The following TXN2 variants were observed in gnomAD, a reference collection of about 807,000 sequenced individuals.
TXN2 encodes the protein thioredoxin 2.
A neutral mutation model predicts 14.6 loss-of-function variants in TXN2; 12 were observed. That is an observed-to-expected ratio of 0.82 (90% CI 0.53 to 1.33). The LOEUF (loss-of-function observed/expected upper bound fraction) is 1.33. Ranked by LOEUF, TXN2 falls within the 40% of genes most tolerant of loss-of-function variation. TXN2 has a pLI of 0.00. For missense variants in TXN2, 173 were observed against 207.7 expected (o/e 0.83, Z 1.03); for synonymous variants, 89 against 81.0 (o/e 1.10, Z -0.53).
At chr22:36,472,325 G>A (rs1161097031) in intron 3 of TXN2, among the ~76,000 whole-genome samples, 1 of 152,152 alleles carries the variant, frequency 6.6e-6, no homozygotes, top group African/African-American at 2.4e-5. Flanking sequence ...GGACATGGAG[G>A]CAGTGAAATG....
chr22:36,467,729 G>A lies in TXN2; in HGVS notation c.*75C>T. 7.8e-7 allele frequency: 1 copy of A among 1,288,488 alleles called. No homozygotes were observed. Among genetic ancestry groups the A allele is most frequent in the Non-Finnish European group, 1.1e-6 (1 of 887,906 alleles). 79.8% of individuals were successfully genotyped at this position (1,288,488 alleles called of 1,614,324 possible). The stretch of plus-strand genomic sequence containing the variant: ...GAGCCAGACAGGAGGGAGGCAGCAG[G>A]AAGGGCTGGCATGGAAGGGCTGAGT... On this transcript the variant is annotated 3_prime_UTR_variant, in exon 4 of 4. Transcript: ENST00000216185.
intron 2 of TXN2, 75 bp from the exon 3 acceptor site, chr22:36,476,931 CA>C: frequency 6.3e-7 from 1 of 1,586,420 alleles, no homozygotes; most frequent in Non-Finnish European, 8.6e-7. Context: ...CCCAGACCTG[CA>C]TCTTTCCAAG....
At chr22:36,467,985 C>G in intron 3 of TXN2, 68 bp from the exon 4 acceptor site, 1 of 1,390,068 alleles carries the variant, frequency 7.2e-7, no homozygotes, top group South Asian at 1.2e-5. Context: ...CACTCCTGAG[C>G]CTTTGTGGGG....
At chr22:36,469,330 G>A (rs952448234) in intron 3 of TXN2, among the ~76,000 whole-genome samples, 2 of 152,230 alleles carry the variant, frequency 1.3e-5, no homozygotes, top group African/African-American at 4.8e-5. Flanking sequence ...AGTGGCTACA[G>A]AGGGCACAAG....
chr22:36,467,123 A>G lies in TXN2; in HGVS notation c.*681T>C, dbSNP rs1295500801. 1 of 153,384 alleles carries G rather than the reference A, an allele frequency of 6.5e-6. No individual in the cohort carries two copies. The highest frequency in any genetic ancestry group is 2.4e-5 in the African/African-American group (1 of 41,446). 9.5% of individuals were successfully genotyped at this position (153,384 alleles called of 1,614,324 possible). A position where few individuals can be genotyped will look rare whatever the true frequency, so the allele number is the denominator to read the frequency against. ...TGCTCAGAAAACCAACGGGCCAGCT[A>G]AGGAGAGGAGGAGGCACCTTGAGAC... On this transcript the variant is annotated 3_prime_UTR_variant, in exon 4 of 4. Coordinates refer to ENST00000216185, the MANE Select transcript of TXN2 (RefSeq NM_012473.4).
intron 2 of TXN2, among the ~76,000 whole-genome samples, chr22:36,478,043 A>T (rs1329938099): frequency 6.7e-6 from 1 of 149,418 alleles, no homozygotes; most frequent in Non-Finnish European, 1.5e-5. Flanking sequence ...AGGCTGAGGC[A>T]GGAGAATCAC....
At chr22:36,479,075 C>T (rs548635196) in intron 2 of TXN2, among the ~76,000 whole-genome samples, 6 of 152,086 alleles carry the variant, frequency 3.9e-5, no homozygotes, top group Admixed American at 3.3e-4. Flanking sequence ...TGCAGTGAGC[C>T]GTGATCGCAC....
At chr22:36,473,281 A>C (rs1208866765) in intron 3 of TXN2, among the ~76,000 whole-genome samples, 1 of 151,898 alleles carries the variant, frequency 6.6e-6, no homozygotes, top group Non-Finnish European at 1.5e-5. Flanking sequence ...TGTCTCTATT[A>C]AAACTACAAA....
Position 36,480,783 on chromosome 22 carries a change from G to T in TXN2, c.55C>A (p.Pro19Thr). The T allele has an allele frequency of 6.2e-7, 1 of 1,611,496 alleles. No individual in the cohort carries two copies. Among genetic ancestry groups the T allele is most frequent in the Non-Finnish European group, 8.5e-7 (1 of 1,178,350 alleles). ...RFLASVISRK[P>T]SQGQWPPLTS... ...AGGGGTGGCCACTGACCCTGAGAGG[G>T]CTTCCTGGAGATGACAGAGGCCAGG... Residue 19 changes from proline to threonine, a missense_variant, in exon 2 of 4, where the codon CCC (proline) becomes ACC (threonine). Pro to Thr is a conservative substitution (Grantham distance 38). Coordinates refer to ENST00000216185, the MANE Select transcript of TXN2 (RefSeq NM_012473.4).
chr22:36,475,707 C>T (rs1195926724), intron 3 of TXN2, among the ~76,000 whole-genome samples: 2 of 152,200 alleles, frequency 1.3e-5, no homozygotes, highest in African/African-American at 4.8e-5. Flanking sequence ...GTAGACTCCA[C>T]GGAGGCAGAG....
Position 36,467,942 on chromosome 22 carries a change from C to T in TXN2, c.388-25G>A, listed in dbSNP as rs375309870. On this transcript the variant is annotated intron_variant, in intron 3 of 3. Transcript: ENST00000216185. ...CCTGGGTGGAGAGGACAAGGGGGTC[C>T]AAGTGAATTGGGAGTGAATACTTCT... The T allele has an allele frequency of 3.1e-6, 5 of 1,596,438 alleles. No homozygotes were observed. The African/African-American group carries it at 4.0e-5, about 13-fold the overall frequency.
rs574061497 is a variant in TXN2, at chr22:36,472,999, G to A, written c.387+3734C>T. ...GACACCCAGCCCTGGCATTACCTGGGAGCTTGTTAGAAATGCAGTCTTGGT... is the reference window on the plus strand; with the variant it reads ...GACACCCAGCCCTGGCATTACCTGGAAGCTTGTTAGAAATGCAGTCTTGGT... On this transcript the variant is annotated intron_variant, in intron 3 of 3. Coordinates refer to ENST00000216185, the MANE Select transcript of TXN2 (RefSeq NM_012473.4). Among the ~76,000 whole-genome samples, 15 of 152,104 alleles carry A rather than the reference G, an allele frequency of 9.9e-5. No individual in the cohort carries two copies. The South Asian group carries it at 3.1e-3, about 32-fold the overall frequency.
At position 36,467,255 on chromosome 22, in the gene TXN2, T is replaced by A. The variant is rs1933179083; in HGVS notation, c.*549A>T. The A allele has an allele frequency of 2.0e-5, 3 of 152,792 alleles. No individual in the cohort carries two copies. The highest frequency in any genetic ancestry group is 1.5e-5 in the Non-Finnish European group (1 of 68,444). The allele number at this position is 152,792 out of a possible 1,614,324, so 9.5% of individuals were successfully genotyped here. A position where few individuals can be genotyped will look rare whatever the true frequency, so the allele number is the denominator to read the frequency against. On this transcript the variant is annotated 3_prime_UTR_variant, in exon 4 of 4. Transcript: ENST00000216185. The stretch of plus-strand genomic sequence containing the variant: ...GGTGGGAATGGGTGACTAGAGGGGA[T>A]TTCAGTGTGGGACCCAGGGTCTGTT...
chr22:36,467,559 TAGA>T lies in TXN2; in HGVS notation c.*242_*244del, dbSNP rs1348220268. 4.1e-6 allele frequency: 2 copies of T among 489,140 alleles called. No individual in the cohort carries two copies. Among genetic ancestry groups the T allele is most frequent in the East Asian group, 3.9e-5 (1 of 25,910 alleles). The allele number at this position is 489,140 out of a possible 1,614,324, so 30.3% of individuals were successfully genotyped here. On this transcript the variant is annotated 3_prime_UTR_variant, in exon 4 of 4. Transcript: ENST00000216185. ...ATCCTGGGAGAACTGCCATAGGCCC[TAGA>T]AGGAGGGATGAAAGGCGTATGGGAG...
At chr22:36,481,192 T>A in intron 1 of TXN2, 1 of 175,058 alleles carries the variant, frequency 5.7e-6, no homozygotes, top group Non-Finnish European at 1.2e-5. Flanking sequence ...AAGTTGCTAT[T>A]GTACTGCCCA....
intron 2 of TXN2, among the ~76,000 whole-genome samples, 160 bp downstream of exon 2, chr22:36,480,415 A>C (rs1410248854): frequency 6.6e-6 from 1 of 152,246 alleles, no homozygotes; most frequent in African/African-American, 2.4e-5. Flanking sequence ...TCTGTCTTCC[A>C]CCAGACTGCA....
intron 3 of TXN2, among the ~76,000 whole-genome samples, chr22:36,476,244 G>A (rs1402283500): frequency 6.6e-6 from 1 of 152,128 alleles, no homozygotes; most frequent in African/African-American, 2.4e-5. Flanking sequence ...AAGAGAGACA[G>A]GTGGCTCAGA....
At chr22:36,480,515 G>A in intron 2 of TXN2, 60 bp downstream of exon 2, 6 of 1,573,128 alleles carry the variant, frequency 3.8e-6, no homozygotes, top group Non-Finnish European at 5.2e-6. Flanking sequence ...GACACAGCAG[G>A]CATTCAATAA....
intron 3 of TXN2, among the ~76,000 whole-genome samples, chr22:36,469,626 C>G (rs1325358544): frequency 6.6e-6 from 1 of 152,152 alleles, no homozygotes; most frequent in Non-Finnish European, 1.5e-5. Context: ...GGGATCCCTG[C>G]CTGGCATTCG....
Sources: allele counts gnomAD v4.1 joint callset (sites outside exome capture counted in the v4.1 genomes callset), GRCh38; gene constraint gnomAD v4.1.1; transcripts MANE v1.5; gene names NCBI Gene and HGNC (gene_info 2026-07-23, HGNC 2026-07-21).